SLC35B3: variants seen among roughly 807,000 people sequenced by gnomAD.
SLC35B3 encodes the protein solute carrier family 35 member B3.
SLC35B3 carries 35 observed loss-of-function variants against 44.1 expected under a neutral mutation model. That is an observed-to-expected ratio of 0.79 (90% CI 0.61 to 1.05). The LOEUF (loss-of-function observed/expected upper bound fraction) is 1.05, where lower values mean the gene tolerates loss of function less well. SLC35B3 is among the 50% of genes least tolerant of loss of function. The pLI is 0.00. For missense variants in SLC35B3, 414 were observed against 476.4 expected, an observed-to-expected ratio of 0.87 and a Z score of 1.22; for synonymous variants, 146 against 167.3, an observed-to-expected ratio of 0.87 and a Z score of 0.98.
Position 8,434,572 on chromosome 6 carries a change from A to T in SLC35B3, c.-43-142T>A. The T allele has an allele frequency of 3.9e-6, 2 of 514,618 alleles. No individual in the cohort carries two copies. The highest frequency in any genetic ancestry group is 9.5e-5 in the South Asian group (2 of 21,112). 31.9% of individuals were successfully genotyped at this position (514,618 alleles called of 1,614,324 possible). A position where few individuals can be genotyped will look rare whatever the true frequency, so the allele number is the denominator to read the frequency against. On this transcript the variant is annotated intron_variant, in intron 1 of 10. Coordinates refer to ENST00000644923, the MANE Select transcript of SLC35B3 (RefSeq NM_001370476.2). The surrounding 1 kb of genome is among the most constrained non-coding windows in gnomAD (Gnocchi z 6.3). The stretch of plus-strand genomic sequence containing the variant: ...TTTTCCAAGAGAAAAAGTTAACACT[A>T]GGACTTTATATATTAAGTAATTAAG...
chr6:8,422,431 A>G (rs1242418593), intron 5 of SLC35B3, 39 bp downstream of exon 4: 3 of 1,465,690 alleles, frequency 2.0e-6, no homozygotes, highest in Non-Finnish European at 2.8e-6. Context: ...AACATAGCCT[A>G]TTAGTTTTAA....
Position 8,432,673 on chromosome 6 carries a change from A to T in SLC35B3, c.3+1712T>A, listed in dbSNP as rs1452217763. Among the ~76,000 whole-genome samples the T allele has an allele frequency of 6.6e-6, 1 of 152,220 alleles. No homozygotes were observed. Among genetic ancestry groups the T allele is most frequent in the Non-Finnish European group, 1.5e-5 (1 of 68,042 alleles). On this transcript the variant is annotated intron_variant, in intron 2 of 10. Transcript: ENST00000644923. The surrounding 1 kb of genome is among the most constrained non-coding windows in gnomAD (Gnocchi z 4.8). ...AGTGGGAGGAGTTAAAAATGTGCCT[A>T]TCACAGGATTTTGGTTAGGACTATA... is the stretch of plus-strand genomic sequence containing the variant.
In SLC35B3 at chr6:8,420,673, C is replaced by T; in HGVS notation, c.682+48G>A. ...TTACAAAATATTCGAAATTCGTATT[C>T]TAAACTAAAAAGCCTATAAAAGCTA... On this transcript the variant is annotated intron_variant, in intron 6 of 10. Coordinates refer to ENST00000644923, the MANE Select transcript of SLC35B3 (RefSeq NM_001370476.2). The surrounding 1 kb of genome is among the most constrained non-coding windows in gnomAD (Gnocchi z 4.4). The T allele has an allele frequency of 7.2e-7, 1 of 1,391,700 alleles. No homozygotes were observed. Among genetic ancestry groups the T allele is most frequent in the South Asian group, 1.2e-5 (1 of 80,084 alleles). 86.2% of individuals were successfully genotyped at this position (1,391,700 alleles called of 1,614,324 possible). A position where few individuals can be genotyped will look rare whatever the true frequency, so the allele number is the denominator to read the frequency against.
intron 9 of SLC35B3, among the ~76,000 whole-genome samples, chr6:8,416,092 G>A (rs531687925): frequency 1.6e-4 from 25 of 152,174 alleles, no homozygotes; most frequent in Non-Finnish European, 2.4e-4. Context: ...TAACCTCCCC[G>A]TGCCTCAGTT....
Position 8,434,279 on chromosome 6 carries a change from A to T in SLC35B3, c.3+106T>A. 9.2e-7 allele frequency: 1 copy of T among 1,087,406 alleles called. No individual in the cohort carries two copies. The highest frequency in any genetic ancestry group is 1.9e-5 in the Admixed American group (1 of 51,666). The allele number at this position is 1,087,406 out of a possible 1,614,324, so 67.4% of individuals were successfully genotyped here. On this transcript the variant is annotated intron_variant, in intron 2 of 10. Transcript: ENST00000644923. This position sits in a 1 kb window ranked among gnomAD's most constrained non-coding sequence, Gnocchi z 6.3. ...TGAAGGACAAAAGTCCCACACCAAA[A>T]AAAGGTAGAATATGAAAAAAAAGTC...
rs1021401299 is a variant in SLC35B3, at chr6:8,435,105, G to A, written c.-44+238C>T. On this transcript the variant is annotated intron_variant, in intron 1 of 10. Transcript: ENST00000644923. This position sits in a 1 kb window ranked among gnomAD's most constrained non-coding sequence, Gnocchi z 5.5. ...TGCGAGTCCACGGATTGGGACCTGA[G>A]GGAGTTCTCGCCAGCCCGAGGGCGA... The A allele has an allele frequency of 8.0e-7, 1 of 1,248,538 alleles. No homozygotes were observed. Among genetic ancestry groups the A allele is most frequent in the African/African-American group, 1.5e-5 (1 of 64,822 alleles). 77.3% of individuals were successfully genotyped at this position (1,248,538 alleles called of 1,614,324 possible).
Position 8,432,590 on chromosome 6 carries a change from TGAG to T in SLC35B3, c.3+1792_3+1794del, listed in dbSNP as rs1222840533. Among the ~76,000 whole-genome samples, 1 of 152,170 alleles carries T rather than the reference TGAG, an allele frequency of 6.6e-6. No individual in the cohort carries two copies. The highest frequency in any genetic ancestry group is 1.9e-4 in the East Asian group (1 of 5,178). ...AGATCTGGCTTTACTACTTATTAGC[TGAG>T]GAGCCTTGGGCAAATCGTTTAACTT... On this transcript the variant is annotated intron_variant, in intron 2 of 10. Transcript: ENST00000644923. This position sits in a 1 kb window ranked among gnomAD's most constrained non-coding sequence, Gnocchi z 4.8.
At position 8,434,857 on chromosome 6, in the gene SLC35B3, C is replaced by A. The variant is rs1764333946; in HGVS notation, c.-43-427G>T. On this transcript the variant is annotated intron_variant, in intron 1 of 10. Transcript: ENST00000644923. The surrounding 1 kb of genome is among the most constrained non-coding windows in gnomAD (Gnocchi z 6.3). ...CAAAGACTGGAGGAAACTTGCAGAA[C>A]TTCTAGTGGAAGTTTATGCCATAAA... is the stretch of plus-strand genomic sequence containing the variant. Among the ~76,000 whole-genome samples the A allele has an allele frequency of 6.6e-6, 1 of 152,152 alleles. No individual in the cohort carries two copies. The highest frequency in any genetic ancestry group is 2.4e-5 in the African/African-American group (1 of 41,440).
rs757213109 is a variant in SLC35B3 at position 8,427,970 on chromosome 6, A to G, written c.386T>C (p.Ile129Thr). The G allele has an allele frequency of 5.0e-6, 8 of 1,612,924 alleles. No homozygotes were observed. Among genetic ancestry groups the G allele is most frequent in the South Asian group, 1.1e-5 (1 of 90,954 alleles). The change falls in exon 4 of 11, where the codon ATA becomes ACA. Residue 129 changes from isoleucine (I) to threonine (T), a missense_variant. Ile to Thr is a moderately conservative substitution (Grantham distance 89, BLOSUM62 -1). Coordinates refer to ENST00000644923, the MANE Select transcript of SLC35B3 (RefSeq NM_001370476.2). ...TTTGTCCTGAATAAGCTGAAGTTCT[A>G]TTAGGCCAAATATGGAGTAAAAGGC...
Position 8,434,942 on chromosome 6 carries a change from C to T in SLC35B3, c.-44+401G>A. 2.4e-6 allele frequency: 1 copy of T among 410,926 alleles called. No homozygotes were observed. The highest frequency in any genetic ancestry group is 2.8e-5 in the South Asian group (1 of 35,440). The allele number at this position is 410,926 out of a possible 1,614,324, so 25.5% of individuals were successfully genotyped here. ...GCAAGCCAAATGGAGAAAAGAGTACCTTGGAGTGCCCCTATTTAATAAACA... is the reference window on the plus strand; with the variant it reads ...GCAAGCCAAATGGAGAAAAGAGTACTTTGGAGTGCCCCTATTTAATAAACA... On this transcript the variant is annotated intron_variant, in intron 1 of 10. Coordinates refer to ENST00000644923, the MANE Select transcript of SLC35B3 (RefSeq NM_001370476.2). The surrounding 1 kb of genome is among the most constrained non-coding windows in gnomAD (Gnocchi z 6.3).
At chr6:8,427,243 C>T (rs750328369) in intron 4 of SLC35B3, among the ~76,000 whole-genome samples, 24 of 152,150 alleles carry the variant, frequency 1.6e-4, no homozygotes, top group Non-Finnish European at 2.9e-4. Context: ...GAATGTTAAT[C>T]CCCAAGACAA....
rs372758023 is a variant in SLC35B3, at chr6:8,420,722, C to T, written c.681G>A (p.Thr227=). The T allele has an allele frequency of 1.1e-5, 18 of 1,607,048 alleles. No individual in the cohort carries two copies. Among genetic ancestry groups the T allele is most frequent in the African/African-American group, 2.7e-5 (2 of 74,754 alleles). Residue 227 remains threonine, a splice_region_variant and synonymous_variant, in exon 6 of 11, where the codon ACG becomes ACA. Transcript: ENST00000644923. This position sits in a 1 kb window ranked among gnomAD's most constrained non-coding sequence, Gnocchi z 4.4. ...TAGGAATATAAATAAATTACTTACC[C>T]GTCAGGTTGAAATTTGGTGCAGTTG...
intron 4 of SLC35B3, among the ~76,000 whole-genome samples, chr6:8,426,795 G>A (rs746326211): frequency 6.6e-6 from 1 of 152,136 alleles, no homozygotes; most frequent in Non-Finnish European, 1.5e-5. Context: ...AGAGTTTGGA[G>A]GGCTCAGAAG....
At position 8,422,531 on chromosome 6, in the gene SLC35B3, G is replaced by C. The variant is rs1271249856; in HGVS notation, c.513C>G (p.Thr171=). Residue 171 remains threonine, a synonymous_variant, in exon 5 of 11, where the codon ACC becomes ACG. Transcript: ENST00000644923. ...ATTTGCAGCACTTGAAGATGACTTG[G>C]GTAGGGTAATTCAGGTAGCCCAAGG... 6.2e-7 allele frequency: 1 copy of C among 1,613,484 alleles called. No homozygotes were observed. The highest frequency in any genetic ancestry group is 2.2e-5 in the East Asian group (1 of 44,840).
At position 8,419,543 on chromosome 6, in the gene SLC35B3, T is replaced by G; in HGVS notation, c.780+37A>C. 1 of 1,076,258 alleles carries G rather than the reference T, an allele frequency of 9.3e-7. No homozygotes were observed. Among genetic ancestry groups the G allele is most frequent in the Non-Finnish European group, 1.3e-6 (1 of 744,020 alleles). 66.7% of individuals were successfully genotyped at this position (1,076,258 alleles called of 1,614,324 possible). ...ATTACGTGTATCACCATTTTTTAAA[T>G]CTGTCTAATTTGAAGAAAAAACACT... On this transcript the variant is annotated intron_variant, in intron 7 of 10. Coordinates refer to ENST00000644923, the MANE Select transcript of SLC35B3 (RefSeq NM_001370476.2). The surrounding 1 kb of genome is among the most constrained non-coding windows in gnomAD (Gnocchi z 4.3).
intron 4 of SLC35B3, among the ~76,000 whole-genome samples, chr6:8,426,433 A>AT (rs1763417657): frequency 6.6e-6 from 1 of 152,150 alleles, no homozygotes; most frequent in Non-Finnish European, 1.5e-5. Context: ...AGTGGGAGGT[A>AT]ATTTGAATCA....
rs1156388815 is a variant in SLC35B3, at chr6:8,432,890, A to G, written c.3+1495T>C. ...TCCTGAGATCCAGAGCTCTACGTCT[A>G]AATGCTTCTTTGATACCTCTACTCA... On this transcript the variant is annotated intron_variant, in intron 2 of 10. Transcript: ENST00000644923. This position sits in a 1 kb window ranked among gnomAD's most constrained non-coding sequence, Gnocchi z 4.8. 6.6e-6 allele frequency among the ~76,000 whole-genome samples: 1 copy of G among 152,162 alleles called. No homozygotes were observed. The highest frequency in any genetic ancestry group is 2.4e-5 in the African/African-American group (1 of 41,438).
rs1246379495 is a variant in SLC35B3, at chr6:8,432,164, C to G, written c.4-2007G>C. Among the ~76,000 whole-genome samples the G allele has an allele frequency of 6.6e-6, 1 of 152,030 alleles. No individual in the cohort carries two copies. Among genetic ancestry groups the G allele is most frequent in the Non-Finnish European group, 1.5e-5 (1 of 68,030 alleles). On this transcript the variant is annotated intron_variant, in intron 2 of 10. Transcript: ENST00000644923. The surrounding 1 kb of genome is among the most constrained non-coding windows in gnomAD (Gnocchi z 4.8). Reference sequence around the variant, plus strand: ...ATTCAGATGAACCAAATAAACTGATCCTTCCTCTTGATACCCTCAAACTTC... The same window carrying G: ...ATTCAGATGAACCAAATAAACTGATGCTTCCTCTTGATACCCTCAAACTTC...
chr6:8,426,959 CTT>C (rs771008229), intron 4 of SLC35B3, among the ~76,000 whole-genome samples: 35 of 152,134 alleles, frequency 2.3e-4, no homozygotes, highest in Non-Finnish European at 7.4e-5. Context: ...AAAGGTGACT[CTT>C]GTTATGTTTT....
Sources: gnomAD v4.1 joint callset for allele counts (sites outside exome capture counted in the v4.1 genomes callset) on GRCh38, gnomAD v4.1.1 for gene constraint, Gnocchi (gnomAD v3.1) non-coding constraint, MANE v1.5 for transcripts, NCBI Gene and HGNC (gene_info 2026-07-23, HGNC 2026-07-21) for gene names.